The following LMCD1 variants were observed in gnomAD, a reference collection of about 807,000 sequenced individuals.
LMCD1 encodes the protein LIM and cysteine-rich domains protein 1.
Under a neutral mutation model 42.7 loss-of-function variants are expected in LMCD1, and 32 were observed. That is an observed-to-expected ratio of 0.75 (90% CI 0.57 to 1.01). The LOEUF is 1.01. Ranked by LOEUF, LMCD1 falls within the 50% of genes least tolerant of loss-of-function variation. The probability of loss-of-function intolerance (pLI) is 0.00; values close to 1 mark genes in which losing one functional copy is unlikely to be tolerated. For missense variants in LMCD1, 458 were observed against 483.1 expected (o/e 0.95, Z 0.49); for synonymous variants, 178 against 184.9 (o/e 0.96, Z 0.30).
At chr3:8,560,416 C>T (rs527789054) in intron 4 of LMCD1, among the ~76,000 whole-genome samples, 3 of 152,250 alleles carry the variant, frequency 2.0e-5, no homozygotes, top group Admixed American at 2.0e-4. Flanking sequence ...CCTGCCGGTG[C>T]TCCCCAGACC....
intron 3 of LMCD1, among the ~76,000 whole-genome samples, chr3:8,543,964 C>G (rs1239622266): frequency 6.6e-6 from 1 of 152,188 alleles, no homozygotes; most frequent in Admixed American, 6.5e-5. Flanking sequence ...CCAGATACCC[C>G]AGTCTCCTAA....
intron 4 of LMCD1, chr3:8,549,752 G>A: frequency 1.4e-6 from 1 of 698,938 alleles, no homozygotes; most frequent in Non-Finnish European, 2.6e-6. Context: ...AAGGCCAAGG[G>A]GCTGCATCTG....
rs1694205351 is a variant in LMCD1, at chr3:8,521,550, C to G, written c.43-11187C>G. Among the ~76,000 whole-genome samples the G allele has an allele frequency of 2.0e-5, 3 of 152,298 alleles. No homozygotes were observed. In the South Asian group the frequency reaches 6.2e-4, roughly 32 times the overall value. On this transcript the variant is annotated intron_variant, in intron 1 of 5. Coordinates refer to ENST00000157600, the MANE Select transcript of LMCD1 (RefSeq NM_014583.4). Reference sequence around the variant, plus strand: ...TAGAATTGCTTATAGCTCCTCTGTCCAAACGTCCCTCACATCAGGCTGTTC... The same window carrying G: ...TAGAATTGCTTATAGCTCCTCTGTCGAAACGTCCCTCACATCAGGCTGTTC...
chr3:8,550,033 G>T, intron 4 of LMCD1: 1 of 1,509,002 alleles, frequency 6.6e-7, no homozygotes, highest in Non-Finnish European at 8.8e-7. Flanking sequence ...AGTGTTTGGA[G>T]GGGATGTTCA....
rs755510704 is a variant in LMCD1, at chr3:8,567,604, T to G, written c.*6T>G. 5 of 1,610,860 alleles carry G rather than the reference T, an allele frequency of 3.1e-6. No individual in the cohort carries two copies. Among genetic ancestry groups the G allele is most frequent in the Middle Eastern group, 1.8e-4 (1 of 5,678 alleles). ...GCAAGTCCAAACGCTCCTGAAGGGC[T>G]GCCCACCCACAGCCAGAATCCACAG... On this transcript the variant is annotated 3_prime_UTR_variant, in exon 6 of 6. Transcript: ENST00000157600.
In LMCD1 at chr3:8,537,461, A is replaced by G. The variant is rs372051788; in HGVS notation, c.387+21A>G. On this transcript the variant is annotated intron_variant, in intron 3 of 5. Coordinates refer to ENST00000157600, the MANE Select transcript of LMCD1 (RefSeq NM_014583.4). ...AACTGGTAAGAGAGCTTCCCCAACCAAGCAGTTGTTTTCCTATCCTCATAA... is the reference window on the plus strand; with the variant it reads ...AACTGGTAAGAGAGCTTCCCCAACCGAGCAGTTGTTTTCCTATCCTCATAA... 2.6e-6 allele frequency: 4 copies of G among 1,536,440 alleles called. No individual in the cohort carries two copies. The African/African-American group carries it at 5.5e-5, about 21-fold the overall frequency.
chr3:8,509,530 A>G (rs1434019604), intron 1 of LMCD1, among the ~76,000 whole-genome samples: 1 of 152,246 alleles, frequency 6.6e-6, no homozygotes, highest in East Asian at 1.9e-4. Flanking sequence ...CCACTGTGCT[A>G]AGTACTGAAT....
chr3:8,517,453 A>T (rs1694120731), intron 1 of LMCD1, among the ~76,000 whole-genome samples: 1 of 152,210 alleles, frequency 6.6e-6, no homozygotes, highest in South Asian at 2.1e-4. Flanking sequence ...TGGAAAAGGG[A>T]TGCTCAACCT....
chr3:8,505,014 A>G (rs930122828), intron 1 of LMCD1, among the ~76,000 whole-genome samples: 1 of 152,250 alleles, frequency 6.6e-6, no homozygotes, highest in Admixed American at 6.5e-5. Flanking sequence ...TTGAAGAAAC[A>G]GTAACAGCAT....
intron 3 of LMCD1, among the ~76,000 whole-genome samples, chr3:8,543,343 G>C (rs976972894): frequency 1.3e-5 from 2 of 151,652 alleles, no homozygotes; most frequent in Admixed American, 1.3e-4. Context: ...GGTATCCTGT[G>C]TCAGAGCCAC....
intron 4 of LMCD1, among the ~76,000 whole-genome samples, chr3:8,565,178 A>G (rs996672933): frequency 6.6e-6 from 1 of 152,230 alleles, no homozygotes; most frequent in Non-Finnish European, 1.5e-5. Flanking sequence ...TTTTAAGAGT[A>G]TAAAGGGTAC....
intron 1 of LMCD1, among the ~76,000 whole-genome samples, chr3:8,511,073 C>G (rs1693988423): frequency 6.6e-6 from 1 of 152,176 alleles, no homozygotes; most frequent in Admixed American, 6.5e-5. Context: ...TTTCCTATTA[C>G]CTCGAACAAG....
At chr3:8,562,727 A>G (rs915319263) in intron 4 of LMCD1, among the ~76,000 whole-genome samples, 9 of 151,988 alleles carry the variant, frequency 5.9e-5, no homozygotes, top group African/African-American at 2.2e-4. Flanking sequence ...TTTTCCTAGT[A>G]TTTATCACAC....
chr3:8,537,474 C>T (rs775972627), intron 3 of LMCD1, 34 bp downstream of exon 3: 7 of 1,525,120 alleles, frequency 4.6e-6, no homozygotes, highest in East Asian at 2.3e-5. Context: ...CAGTTGTTTT[C>T]CTATCCTCAT....
At chr3:8,510,784 C>T (rs552487242) in intron 1 of LMCD1, among the ~76,000 whole-genome samples, 1 of 152,188 alleles carries the variant, frequency 6.6e-6, no homozygotes, top group Non-Finnish European at 1.5e-5. Flanking sequence ...TATATTGATA[C>T]TATCTCAGTA....
rs1397141290 is a variant in LMCD1, at chr3:8,564,260, A to AAATATT, written c.724-1170_724-1165dup. On this transcript the variant is annotated intron_variant, in intron 4 of 5. Coordinates refer to ENST00000157600, the MANE Select transcript of LMCD1 (RefSeq NM_014583.4). ...TTTTTCTGTAACTCTAGAACTACTCAAATATTATTATTATTATTATTTGAG... is the reference window on the plus strand; with the variant it reads ...TTTTTCTGTAACTCTAGAACTACTCAAATATTAATATTATTATTATTATTATTTGAG... 2.6e-5 allele frequency among the ~76,000 whole-genome samples: 4 copies of AAATATT among 151,930 alleles called. No individual in the cohort carries two copies. The East Asian group carries it at 7.7e-4, about 29-fold the overall frequency.
intron 1 of LMCD1, among the ~76,000 whole-genome samples, chr3:8,520,708 T>C (rs1694188883): frequency 6.6e-6 from 1 of 152,202 alleles, no homozygotes; most frequent in Non-Finnish European, 1.5e-5. Context: ...AACAATTGTG[T>C]TGGAGCCTCT....
At position 8,550,127 on chromosome 3, in the gene LMCD1, C is replaced by A. The variant is rs1012844035; in HGVS notation, c.723+1224C>A. 2.2e-6 allele frequency: 3 copies of A among 1,384,264 alleles called. No homozygotes were observed. In the East Asian group the frequency reaches 8.5e-5, roughly 39 times the overall value. 85.7% of individuals were successfully genotyped at this position (1,384,264 alleles called of 1,614,324 possible). A position where few individuals can be genotyped will look rare whatever the true frequency, so the allele number is the denominator to read the frequency against. On this transcript the variant is annotated intron_variant, in intron 4 of 5. Coordinates refer to ENST00000157600, the MANE Select transcript of LMCD1 (RefSeq NM_014583.4). ...ATTTTGAGAAAACAGAAAGGAGAAG[C>A]CAGAGTTGGGGAGATGAAAGCCTCA...
At chr3:8,526,745 G>T (rs1236601467) in intron 1 of LMCD1, among the ~76,000 whole-genome samples, 2 of 152,184 alleles carry the variant, frequency 1.3e-5, no homozygotes, top group Non-Finnish European at 2.9e-5. Flanking sequence ...TACCTCCCTT[G>T]TAGAGTTGTT....
Sources: gnomAD v4.1 joint callset for allele counts (sites outside exome capture counted in the v4.1 genomes callset) on GRCh38, gnomAD v4.1.1 for gene constraint, MANE v1.5 for transcripts, NCBI Gene and HGNC (gene_info 2026-07-23, HGNC 2026-07-21) for gene names.